LUZP2: variants seen among roughly 807,000 people sequenced by gnomAD.
LUZP2 encodes the protein leucine zipper protein 2.
A neutral mutation model predicts 51.6 loss-of-function variants in LUZP2; 52 were observed. The observed-to-expected ratio is 1.01, with a 90% confidence interval of 0.81 to 1.27. The LOEUF is 1.27. Ranked by LOEUF, LUZP2 falls within the 50% of genes most tolerant of loss-of-function variation. The pLI is 0.00. For synonymous variants in LUZP2, 154 were observed against 137.3 expected (o/e 1.12, Z -0.85); for missense variants, 436 against 395.4 (o/e 1.10, Z -0.87).
At chr11:24,542,209 G>A (rs1235294080) in intron 1 of LUZP2, among the ~76,000 whole-genome samples, 2 of 151,918 alleles carry the variant, frequency 1.3e-5, no homozygotes, top group African/African-American at 2.4e-5. Context: ...TACAGCAAAG[G>A]AACTACAGTA....
intron 1 of LUZP2, among the ~76,000 whole-genome samples, chr11:24,562,881 A>C (rs1852096264): frequency 6.7e-6 from 1 of 150,178 alleles, no homozygotes; most frequent in Non-Finnish European, 1.5e-5. Flanking sequence ...AAAAAAAAAG[A>C]AAGGTTATAA....
In LUZP2 at chr11:24,822,091, A is replaced by G. The variant is rs191108871; in HGVS notation, c.396+58783A>G. Among the ~76,000 whole-genome samples, 1,411 of 151,900 alleles carry G rather than the reference A, an allele frequency of 9.3e-3. 70 individuals carry two copies. Among genetic ancestry groups the G allele is most frequent in the Admixed American group, 0.072 (1,101 of 15,204 alleles). On this transcript the variant is annotated intron_variant, in intron 5 of 11. Transcript: ENST00000336930. ...TCTTTGTGAAATTGTCATGAGAATT[A>G]AATGTAAAAGCATGTACAGATGCTT... is the stretch of plus-strand genomic sequence containing the variant.
chr11:24,965,273 T>A (rs2133887303), intron 7 of LUZP2, among the ~76,000 whole-genome samples: 1 of 148,644 alleles, frequency 6.7e-6, no homozygotes, highest in East Asian at 2.0e-4. Flanking sequence ...GCATACTAGA[T>A]GTTTGATGAA....
chr11:24,826,970 A>G (rs907088658), intron 5 of LUZP2, among the ~76,000 whole-genome samples: 1 of 152,128 alleles, frequency 6.6e-6, no homozygotes, highest in Admixed American at 6.5e-5. Context: ...GACATAAAAA[A>G]CCTATCAACA....
intron 3 of LUZP2, 92 bp from the exon 4 acceptor site, chr11:24,738,129 T>C (rs1859010704): frequency 2.4e-6 from 2 of 833,968 alleles, no homozygotes; most frequent in East Asian, 2.6e-5. Flanking sequence ...GTCCTAAATG[T>C]ATACAGCAAA....
At position 24,498,394 on chromosome 11, in the gene LUZP2, T is replaced by C. The variant is rs140137693; in HGVS notation, c.62+1089T>C. Among the ~76,000 whole-genome samples the C allele has an allele frequency of 5.5e-3, 834 of 151,136 alleles. 4 individuals are homozygous for C. Among genetic ancestry groups the C allele is most frequent in the African/African-American group, 0.017 (719 of 41,114 alleles). ...TGTCTTACAAATCAAGGCTGTAAAA[T>C]TCTTGATTCCGTTCCTAATCTACAC... On this transcript the variant is annotated intron_variant, in intron 1 of 11. Transcript: ENST00000336930.
chr11:24,734,567 C>A (rs1211909971), intron 3 of LUZP2, among the ~76,000 whole-genome samples: 1 of 151,580 alleles, frequency 6.6e-6, no homozygotes, highest in East Asian at 1.9e-4. Context: ...TATACACAAT[C>A]AAAGTTAGAA....
At chr11:25,034,822 C>T (rs1857800434) in intron 9 of LUZP2, among the ~76,000 whole-genome samples, 1 of 152,036 alleles carries the variant, frequency 6.6e-6, no homozygotes, top group Admixed American at 6.6e-5. Context: ...GACTACTGTG[C>T]CTCCATAGTA....
At chr11:24,600,228 G>A (rs1346120781) in intron 1 of LUZP2, among the ~76,000 whole-genome samples, 1 of 148,506 alleles carries the variant, frequency 6.7e-6, no homozygotes, top group Non-Finnish European at 1.5e-5. Flanking sequence ...CGCACAATGG[G>A]GTAACATCAT....
chr11:24,997,311 C>A (rs1204461062), intron 9 of LUZP2, among the ~76,000 whole-genome samples: 2 of 152,178 alleles, frequency 1.3e-5, no homozygotes, highest in Non-Finnish European at 2.9e-5. Flanking sequence ...GATCGCCATT[C>A]TAACTGGTGT....
At chr11:24,761,867 C>A (rs143920192) in intron 4 of LUZP2, among the ~76,000 whole-genome samples, 2 of 148,370 alleles carry the variant, frequency 1.3e-5, no homozygotes, top group East Asian at 2.0e-4. Flanking sequence ...TTCATAAGCG[C>A]ATACACAATA....
At chr11:24,858,212 C>A (rs1031841039) in intron 5 of LUZP2, among the ~76,000 whole-genome samples, 2 of 152,106 alleles carry the variant, frequency 1.3e-5, no homozygotes, top group African/African-American at 4.8e-5. Context: ...AACAGCTTTT[C>A]CTTAATAAAG....
At chr11:24,793,413 C>A (rs748472869) in intron 5 of LUZP2, among the ~76,000 whole-genome samples, 7 of 152,128 alleles carry the variant, frequency 4.6e-5, no homozygotes, top group Non-Finnish European at 8.8e-5. Flanking sequence ...TTAATGTCAC[C>A]ACCTGCAAAC....
chr11:25,059,983 A>G (rs1858789661), intron 10 of LUZP2, among the ~76,000 whole-genome samples: 1 of 152,192 alleles, frequency 6.6e-6, no homozygotes, highest in Non-Finnish European at 1.5e-5. Flanking sequence ...AATATGTGCA[A>G]GATATTCCAT....
intron 1 of LUZP2, among the ~76,000 whole-genome samples, chr11:24,610,494 C>G (rs1323682967): frequency 6.6e-6 from 1 of 152,108 alleles, no homozygotes; most frequent in Non-Finnish European, 1.5e-5. Context: ...ATTGAATGAA[C>G]AAGTGAGTGA....
At chr11:24,732,814 G>A (rs1015921190) in intron 3 of LUZP2, among the ~76,000 whole-genome samples, 1 of 151,630 alleles carries the variant, frequency 6.6e-6, no homozygotes, top group African/African-American at 2.4e-5. Flanking sequence ...AGCCCTTCTA[G>A]TAGGTTTGTA....
chr11:24,713,692 T>TG (rs1042119390), intron 1 of LUZP2, among the ~76,000 whole-genome samples: 3 of 143,006 alleles, frequency 2.1e-5, no homozygotes, highest in Non-Finnish European at 4.6e-5. Flanking sequence ...TGTTTTTTTT[T>TG]TTTTTTTTTT....
chr11:24,622,552 A>G (rs542409719), intron 1 of LUZP2, among the ~76,000 whole-genome samples: 1 of 152,248 alleles, frequency 6.6e-6, no homozygotes, highest in South Asian at 2.1e-4. Context: ...AGGTTGGGAA[A>G]CAACAGGGTC....
rs548949248 is a variant in LUZP2 at position 24,778,296 on chromosome 11, G to T, written c.396+14988G>T. On this transcript the variant is annotated intron_variant, in intron 5 of 11. Coordinates refer to ENST00000336930, the MANE Select transcript of LUZP2 (RefSeq NM_001009909.4). ...CCGGGCATCGTGATGCATGCCTGTA[G>T]TCTTAGCTATTCAGAGGCTGAGGTG... is the stretch of plus-strand genomic sequence containing the variant. 4.2e-4 allele frequency among the ~76,000 whole-genome samples: 64 copies of T among 152,164 alleles called. 6 individuals carry two copies. The South Asian group carries it at 0.013, about 30-fold the overall frequency.
Sources: allele counts gnomAD v4.1 joint callset (sites outside exome capture counted in the v4.1 genomes callset), GRCh38; gene constraint gnomAD v4.1.1; transcripts MANE v1.5; gene names NCBI Gene and HGNC (gene_info 2026-07-23, HGNC 2026-07-21).